Variants in FAM13C observed in about 807,000 individuals in gnomAD.
FAM13C encodes family with sequence similarity 13 member C.
A neutral mutation model predicts 73.2 loss-of-function variants in FAM13C; 37 were observed. The ratio of observed to expected loss-of-function variants is 0.51; its 90% CI spans 0.39 to 0.67. The LOEUF is 0.67. FAM13C is among the 30% of genes least tolerant of loss of function. The pLI is 0.00. For missense variants in FAM13C, 589 were observed against 715.6 expected, an observed-to-expected ratio of 0.82 and a Z score of 2.02; for synonymous variants, 246 against 260.9, an observed-to-expected ratio of 0.94 and a Z score of 0.55.
In FAM13C at chr10:59,340,940, C is replaced by T. The variant is rs184102314; in HGVS notation, c.324+11330G>A. Among the ~76,000 whole-genome samples the T allele has an allele frequency of 6.6e-5, 10 of 152,118 alleles. No individual in the cohort carries two copies. In the South Asian group the frequency reaches 8.3e-4, roughly 13 times the overall value. On this transcript the variant is annotated intron_variant, in intron 3 of 13. Transcript: ENST00000618804. Reference sequence around the variant, plus strand: ...CAATATCTGGGTCTTCAGAGGACCACGCTCTCTGGGTTCCTAAATCAAATG... The same window carrying T: ...CAATATCTGGGTCTTCAGAGGACCATGCTCTCTGGGTTCCTAAATCAAATG...
intron 3 of FAM13C, among the ~76,000 whole-genome samples, chr10:59,335,252 G>A (rs916230402): frequency 6.6e-6 from 1 of 152,094 alleles, no homozygotes; most frequent in African/African-American, 2.4e-5. Flanking sequence ...TATGCAATAA[G>A]ATCAGACAAT....
chr10:59,311,980 G>A (rs371409233), intron 4 of FAM13C, among the ~76,000 whole-genome samples: 4 of 152,038 alleles, frequency 2.6e-5, no homozygotes, highest in Admixed American at 1.3e-4. Context: ...GTAAGAAAGC[G>A]GTGACAAAGT....
intron 3 of FAM13C, among the ~76,000 whole-genome samples, chr10:59,341,764 G>C (rs1333897434): frequency 2.6e-5 from 4 of 151,922 alleles, no homozygotes; most frequent in Non-Finnish European, 4.4e-5. Context: ...GGTATAGAGG[G>C]TTCAGCAAAA....
At chr10:59,341,776 T>A (rs1020407664) in intron 3 of FAM13C, among the ~76,000 whole-genome samples, 3 of 151,998 alleles carry the variant, frequency 2.0e-5, no homozygotes, top group African/African-American at 7.2e-5. Flanking sequence ...TCAGCAAAAA[T>A]AAAAATGATT....
chr10:59,317,385 C>G (rs1849669203), intron 4 of FAM13C, among the ~76,000 whole-genome samples: 1 of 152,136 alleles, frequency 6.6e-6, no homozygotes, highest in East Asian at 1.9e-4. Context: ...TCTCTTAAAC[C>G]TATTTTATGT....
intron 6 of FAM13C, among the ~76,000 whole-genome samples, chr10:59,280,503 C>A (rs916148121): frequency 6.6e-6 from 1 of 152,214 alleles, no homozygotes; most frequent in Admixed American, 6.5e-5. Context: ...CAGAGTCAGA[C>A]AGAACTTGAC....
chr10:59,267,945 C>A (rs557720279), intron 8 of FAM13C, among the ~76,000 whole-genome samples: 2 of 152,190 alleles, frequency 1.3e-5, no homozygotes, highest in Non-Finnish European at 2.9e-5. Flanking sequence ...CCTATTGTTT[C>A]TTACATAAGA....
Position 59,252,671 on chromosome 10 carries a change from TA to T in FAM13C, c.1532+127del. On this transcript the variant is annotated intron_variant, in intron 12 of 13. Coordinates refer to ENST00000618804, the MANE Select transcript of FAM13C (RefSeq NM_198215.4). ...CTCATCTAAATGTAAGAGACTAGGA[TA>T]AAGGCCCTGAGAACTGTTGACCCAC... The T allele has an allele frequency of 3.7e-6, 3 of 801,006 alleles. No individual in the cohort carries two copies. In the Admixed American group the frequency reaches 7.0e-5, roughly 19 times the overall value. 49.6% of individuals were successfully genotyped at this position (801,006 alleles called of 1,614,324 possible).
At chr10:59,313,518 C>A (rs953606758) in intron 4 of FAM13C, among the ~76,000 whole-genome samples, 4 of 152,114 alleles carry the variant, frequency 2.6e-5, no homozygotes, top group African/African-American at 7.2e-5. Context: ...ATGTACAACC[C>A]CTTTAAAAAC....
At chr10:59,298,157 G>A (rs1459898114) in intron 5 of FAM13C, among the ~76,000 whole-genome samples, 2 of 152,164 alleles carry the variant, frequency 1.3e-5, no homozygotes, top group African/African-American at 4.8e-5. Flanking sequence ...GGCATCTTAG[G>A]CCTGGAGAGG....
In FAM13C at chr10:59,268,665, C is replaced by T. The variant is rs1176458855; in HGVS notation, c.830G>A (p.Cys277Tyr). 1 of 1,612,946 alleles carries T rather than the reference C, an allele frequency of 6.2e-7. No individual in the cohort carries two copies. Among genetic ancestry groups the T allele is most frequent in the Non-Finnish European group, 8.5e-7 (1 of 1,179,744 alleles). Residue 277 changes from cysteine (C) to tyrosine (Y), a missense_variant, in exon 8 of 14, where the codon TGT becomes TAT. Physicochemically the swap from Cys to Tyr is radical, Grantham distance 194. Coordinates refer to ENST00000618804, the MANE Select transcript of FAM13C (RefSeq NM_198215.4). ...MMPRSSSRCS[C>Y]GDGKEPQTIT... ...GGTCTGTGGCTCCTTGCCATCTCCA[C>T]AGCTGCAGCGTGAAGAACTCCGCGG...
chr10:59,269,498 T>C (rs1843457397), intron 7 of FAM13C, among the ~76,000 whole-genome samples: 1 of 151,940 alleles, frequency 6.6e-6, no homozygotes. Context: ...TTCTAGAATC[T>C]AACAAGAAAT....
chr10:59,339,704 A>G (rs1452614412), intron 3 of FAM13C, among the ~76,000 whole-genome samples: 1 of 152,246 alleles, frequency 6.6e-6, no homozygotes, highest in Non-Finnish European at 1.5e-5. Flanking sequence ...TGGAAAATTG[A>G]GCAAAACTCA....
chr10:59,346,502 T>G (rs1738888070), intron 3 of FAM13C, among the ~76,000 whole-genome samples: 1 of 152,188 alleles, frequency 6.6e-6, no homozygotes, highest in Non-Finnish European at 1.5e-5. Flanking sequence ...GGATTAGCAG[T>G]ATGATCACAG....
intron 3 of FAM13C, among the ~76,000 whole-genome samples, chr10:59,324,602 A>G (rs1360763600): frequency 6.6e-6 from 1 of 152,112 alleles, no homozygotes; most frequent in Non-Finnish European, 1.5e-5. Flanking sequence ...ATGTTTATTT[A>G]TTTTTGGGAG....
chr10:59,337,193 T>C (rs773500438), intron 3 of FAM13C, among the ~76,000 whole-genome samples: 1 of 152,226 alleles, frequency 6.6e-6, no homozygotes. Flanking sequence ...AACAAAAAAC[T>C]GAATTCACTG....
At chr10:59,268,813 G>T in intron 7 of FAM13C, 122 bp from the exon 8 acceptor site, 1 of 1,163,208 alleles carries the variant, frequency 8.6e-7, no homozygotes. Flanking sequence ...TTCATTATTT[G>T]ATGAGGCCAC....
chr10:59,343,179 G>C (rs1853741278), intron 3 of FAM13C, among the ~76,000 whole-genome samples: 1 of 152,150 alleles, frequency 6.6e-6, no homozygotes, highest in African/African-American at 2.4e-5. Flanking sequence ...GTTTCATTTG[G>C]AAGAAAAGAA....
chr10:59,293,330 C>A (rs1846511840), intron 5 of FAM13C, among the ~76,000 whole-genome samples: 2 of 152,162 alleles, frequency 1.3e-5, no homozygotes, highest in African/African-American at 4.8e-5. Context: ...CCCGCCTCGG[C>A]CTCCCAAAGT....
Sources: allele counts gnomAD v4.1 joint callset (sites outside exome capture counted in the v4.1 genomes callset), GRCh38; gene constraint gnomAD v4.1.1; transcripts MANE v1.5; gene names NCBI Gene and HGNC (gene_info 2026-07-23, HGNC 2026-07-21).